CALB2: variants seen among roughly 807,000 people sequenced by gnomAD.
The protein encoded by CALB2 is calretinin.
In CALB2, 34 loss-of-function variants were observed where a neutral mutation model predicts 45.9. The ratio of observed to expected loss-of-function variants is 0.74; its 90% CI spans 0.56 to 0.99. CALB2 has a LOEUF of 0.99. Ranked by LOEUF, CALB2 falls within the 50% of genes least tolerant of loss-of-function variation. The pLI is 0.00. For missense variants in CALB2, 344 were observed against 339.3 expected (o/e 1.01, Z -0.11); for synonymous variants, 142 against 129.6 (o/e 1.10, Z -0.65).
intron 4 of CALB2, among the ~76,000 whole-genome samples, chr16:71,382,090 GAGAAAGGA>G (rs1567542334): frequency 7.6e-6 from 1 of 131,816 alleles, no homozygotes; most frequent in African/African-American, 2.8e-5. Flanking sequence ...AAGAAAGAAA[GAGAAAGGA>G]AGGAAGGAAG....
intron 9 of CALB2, 33 bp downstream of exon 9, chr16:71,384,869 C>T (rs747021326): frequency 6.3e-7 from 1 of 1,597,428 alleles, no homozygotes; most frequent in Non-Finnish European, 8.6e-7. Context: ...CAGGGAAAAT[C>T]AGAAGCCCAT....
intron 1 of CALB2, among the ~76,000 whole-genome samples, chr16:71,363,681 G>A (rs1295156875): frequency 2.0e-5 from 3 of 152,186 alleles, no homozygotes; most frequent in African/African-American, 4.8e-5. Flanking sequence ...GGCCCTGGGC[G>A]GCTGCATGAG....
intron 10 of CALB2, among the ~76,000 whole-genome samples, chr16:71,387,787 A>G (rs535198056): frequency 1.3e-5 from 2 of 152,316 alleles, no homozygotes; most frequent in South Asian, 2.1e-4. Flanking sequence ...TAAGTGGCAG[A>G]TATCTCAGGT....
At chr16:71,376,739 CCA>C (rs1000735598) in intron 3 of CALB2, among the ~76,000 whole-genome samples, 6 of 152,062 alleles carry the variant, frequency 3.9e-5, no homozygotes, top group Admixed American at 6.6e-5. Context: ...CCACATTCAA[CCA>C]CACACACCCC....
At chr16:71,381,969 C>T (rs955166183) in intron 4 of CALB2, among the ~76,000 whole-genome samples, 6 of 143,438 alleles carry the variant, frequency 4.2e-5, no homozygotes, top group Non-Finnish European at 7.5e-5. Context: ...AAGCTTTGGA[C>T]GCCACTGCAC....
At chr16:71,374,673 A>T in intron 2 of CALB2, 72 bp from the exon 3 acceptor site, 1 of 1,064,450 alleles carries the variant, frequency 9.4e-7, no homozygotes, top group Non-Finnish European at 1.5e-6. Context: ...ATGATTTCCA[A>T]GCTTCCTGCT....
At chr16:71,374,650 A>T (rs1198895005) in intron 2 of CALB2, 95 bp from the exon 3 acceptor site, 2 of 826,950 alleles carry the variant, frequency 2.4e-6, no homozygotes, top group Non-Finnish European at 4.1e-6. Context: ...GCACCCACTT[A>T]CCCAGGATGC....
chr16:71,377,787 C>CT (rs762792017), intron 4 of CALB2, 40 bp downstream of exon 4: 1 of 1,462,180 alleles, frequency 6.8e-7, no homozygotes, highest in Non-Finnish European at 9.6e-7. Context: ...GCACTGGGAC[C>CT]TGCCTTCCTC....
In CALB2 at chr16:71,382,917, G is replaced by C. The variant is rs1213111294; in HGVS notation, c.399+142G>C. ...GACCTGGCACTGAATTGTTGGACTTGTTTAGAGAAGTCAGGGGAAATCAGT... is the reference window on the plus strand; with the variant it reads ...GACCTGGCACTGAATTGTTGGACTTCTTTAGAGAAGTCAGGGGAAATCAGT... On this transcript the variant is annotated intron_variant, in intron 5 of 10. Transcript: ENST00000302628. 7 of 727,758 alleles carry C rather than the reference G, an allele frequency of 9.6e-6. No homozygotes were observed. In the East Asian group the frequency reaches 1.3e-4, roughly 14 times the overall value. The allele number at this position is 727,758 out of a possible 1,614,324, so 45.1% of individuals were successfully genotyped here.
chr16:71,377,126 A>G (rs2042425715), intron 3 of CALB2, among the ~76,000 whole-genome samples: 1 of 152,238 alleles, frequency 6.6e-6, no homozygotes, highest in African/African-American at 2.4e-5. Flanking sequence ...GCTTACTGCA[A>G]GAGGGTACCT....
intron 1 of CALB2, among the ~76,000 whole-genome samples, chr16:71,360,347 CTG>C (rs2042225964): frequency 6.6e-6 from 1 of 152,290 alleles, no homozygotes; most frequent in South Asian, 2.1e-4. Flanking sequence ...TGAGTTAGGA[CTG>C]TGATCTGCCT....
intron 2 of CALB2, among the ~76,000 whole-genome samples, chr16:71,374,541 TGA>T (rs2042389468): frequency 6.6e-6 from 1 of 152,198 alleles, no homozygotes; most frequent in African/African-American, 2.4e-5. Flanking sequence ...GAAATTTATA[TGA>T]CTGAGCCTTG....
chr16:71,358,943 G>A, intron 1 of CALB2, 57 bp downstream of exon 1: 2 of 1,466,854 alleles, frequency 1.4e-6, no homozygotes, highest in Admixed American at 3.7e-5. Flanking sequence ...TGCGGTGAAG[G>A]GGGCAGGGGG....
At position 71,382,878 on chromosome 16, in the gene CALB2, C is replaced by T. The variant is rs1014798494; in HGVS notation, c.399+103C>T. On this transcript the variant is annotated intron_variant, in intron 5 of 10. Transcript: ENST00000302628. Reference sequence around the variant, plus strand: ...ATGAGGGGCATGAGTTTGCGGGCTGCTTAGGAATACTCAGACCTGGCACTG... The same window carrying T: ...ATGAGGGGCATGAGTTTGCGGGCTGTTTAGGAATACTCAGACCTGGCACTG... 5.0e-6 allele frequency: 5 copies of T among 998,240 alleles called. No individual in the cohort carries two copies. In the East Asian group the frequency reaches 9.8e-5, roughly 20 times the overall value. 61.8% of individuals were successfully genotyped at this position (998,240 alleles called of 1,614,324 possible). A position where few individuals can be genotyped will look rare whatever the true frequency, so the allele number is the denominator to read the frequency against.
chr16:71,372,414 T>C (rs2042362952), intron 2 of CALB2, among the ~76,000 whole-genome samples, 185 bp downstream of exon 2: 1 of 152,150 alleles, frequency 6.6e-6, no homozygotes, highest in Admixed American at 6.5e-5. Context: ...CTTGGGTGTC[T>C]GGGATTGAGG....
chr16:71,377,835 T>C (rs946722637), intron 4 of CALB2, 88 bp downstream of exon 4: 5 of 933,582 alleles, frequency 5.4e-6, no homozygotes, highest in Non-Finnish European at 8.6e-6. Flanking sequence ...TGCCTGGTAA[T>C]GGTCCCTGGG....
chr16:71,380,096 G>A (rs1340122322), intron 4 of CALB2, among the ~76,000 whole-genome samples: 1 of 151,938 alleles, frequency 6.6e-6, no homozygotes, highest in Non-Finnish European at 1.5e-5. Context: ...TAGAGAGACA[G>A]CCAAAAATTG....
intron 4 of CALB2, among the ~76,000 whole-genome samples, chr16:71,378,330 T>C (rs937580049): frequency 9.3e-5 from 14 of 150,730 alleles, no homozygotes; most frequent in Admixed American, 2.6e-4. Flanking sequence ...CTGGGCAACA[T>C]AGTGAGACCT....
intron 3 of CALB2, 150 bp from the exon 4 acceptor site, chr16:71,377,517 G>A (rs2042927746): frequency 9.7e-6 from 6 of 615,692 alleles, no homozygotes; most frequent in South Asian, 7.7e-5. Context: ...TTGAAGGACT[G>A]CCAGCACCCG....
Sources: gnomAD v4.1 joint callset for allele counts (sites outside exome capture counted in the v4.1 genomes callset) on GRCh38, gnomAD v4.1.1 for gene constraint, MANE v1.5 for transcripts, NCBI Gene and HGNC (gene_info 2026-07-23, HGNC 2026-07-21) for gene names.